Variants in NALCN observed in about 807,000 individuals in gnomAD.
NALCN encodes the protein sodium leak channel, non-selective, also known as sodium leak channel NALCN.
In NALCN, 111 loss-of-function variants were observed where a neutral mutation model predicts 225.3. That is an observed-to-expected ratio of 0.49 (90% CI 0.42 to 0.58). NALCN has a LOEUF of 0.58. Ranked by LOEUF, NALCN falls within the 20% of genes least tolerant of loss-of-function variation. NALCN has a pLI of 0.00. For synonymous variants in NALCN, 764 were observed against 769.0 expected (o/e 0.99, Z 0.11); for missense variants, 1,378 against 2,202.4 (o/e 0.63, Z 7.49).
chr13:101,056,246 CTTTTTTTTT>C (rs34583741), intron 43 of NALCN, among the ~76,000 whole-genome samples: 13 of 45,852 alleles, frequency 2.8e-4, no homozygotes, highest in Admixed American at 1.0e-3. Context: ...AGTGGAAGTA[CTTTTTTTTT>C]TTTTTTTTTT....
chr13:101,225,088 T>C (rs190166665), intron 13 of NALCN, among the ~76,000 whole-genome samples: 129 of 152,278 alleles, frequency 8.5e-4, no homozygotes, highest in Non-Finnish European at 1.6e-3. Flanking sequence ...ATATCAATGG[T>C]GCAACATCCG....
chr13:101,144,706 G>T, intron 16 of NALCN, 54 bp downstream of exon 16: 1 of 1,556,852 alleles, frequency 6.4e-7, no homozygotes, highest in Non-Finnish European at 8.7e-7. Flanking sequence ...GATTTAAGAT[G>T]ATGAATCTTT....
Position 101,102,462 on chromosome 13 carries a change from C to T in NALCN, c.3057+710G>A, listed in dbSNP as rs568286261. On this transcript the variant is annotated intron_variant, in intron 26 of 43. Transcript: ENST00000251127. Reference sequence around the variant, plus strand: ...TTAATTCATGCTTCTCATGCACAAGCAGACCTCATCAATAATAAAAAAAAC... The same window carrying T: ...TTAATTCATGCTTCTCATGCACAAGTAGACCTCATCAATAATAAAAAAAAC... Among the ~76,000 whole-genome samples the T allele has an allele frequency of 8.8e-4, 134 of 152,204 alleles. 1 individual carries two copies. Among genetic ancestry groups the T allele is most frequent in the African/African-American group, 3.2e-3 (131 of 41,530 alleles).
rs1362317260 is a variant in NALCN, at chr13:101,074,907, C to T, written c.3955-245G>A. ...AGGCGTTGGGCGAATTTTATTTTTACTTCAAACATTTCAGCCTCTTCACAC... is the reference window on the plus strand; with the variant it reads ...AGGCGTTGGGCGAATTTTATTTTTATTTCAAACATTTCAGCCTCTTCACAC... On this transcript the variant is annotated intron_variant, in intron 35 of 43. Transcript: ENST00000251127. 2.0e-5 allele frequency among the ~76,000 whole-genome samples: 3 copies of T among 152,164 alleles called. No homozygotes were observed. The East Asian group carries it at 5.8e-4, about 29-fold the overall frequency.
chr13:101,074,692 C>CAGAGAGAG lies in NALCN; in HGVS notation c.3955-38_3955-31dup, dbSNP rs34229756. ...GGACCAGGGGTGGGAAGCGGGGAGA[C>CAGAGAGAG]AGAGAGAGAGAGAGAGAGAGACAGA... On this transcript the variant is annotated intron_variant, in intron 35 of 43. Coordinates refer to ENST00000251127, the MANE Select transcript of NALCN (RefSeq NM_052867.4). 8 of 1,444,626 alleles carry CAGAGAGAG rather than the reference C, an allele frequency of 5.5e-6. No individual in the cohort carries two copies. In the African/African-American group the frequency reaches 1.0e-4, roughly 19 times the overall value. The allele number at this position is 1,444,626 out of a possible 1,614,324, so 89.5% of individuals were successfully genotyped here. A position where few individuals can be genotyped will look rare whatever the true frequency, so the allele number is the denominator to read the frequency against.
intron 34 of NALCN, among the ~76,000 whole-genome samples, chr13:101,079,024 C>T (rs952321532): frequency 6.6e-6 from 1 of 152,204 alleles, no homozygotes; most frequent in Non-Finnish European, 1.5e-5. Flanking sequence ...ATTCTTCTCT[C>T]TCCTGTTCCC....
chr13:101,123,673 A>C (rs1157654240), intron 18 of NALCN, among the ~76,000 whole-genome samples: 2 of 152,186 alleles, frequency 1.3e-5, no homozygotes, highest in Non-Finnish European at 2.9e-5. Context: ...TATTGAGAGA[A>C]ATACTGTCTT....
rs765279045 is a variant in NALCN, at chr13:101,083,149, A to T, written c.3633T>A (p.Phe1211Leu). 1 of 1,614,170 alleles carries T rather than the reference A, an allele frequency of 6.2e-7. No homozygotes were observed. Residue 1211 changes from phenylalanine (F) to leucine (L), a missense_variant, in exon 32 of 44, where the codon TTT (phenylalanine) becomes TTA (leucine). By Grantham distance (22) the Phe-to-Leu change is conservative (BLOSUM62 0). Transcript: ENST00000251127. ...CGAGTAATGCGATTGTCCTCTTAAA[A>T]AATGGATGCTGGGTTATGTCATACA... ...AKMYDITQHPFFKRTIALLVL... is the reference protein window; with the variant it reads ...AKMYDITQHPLFKRTIALLVL...
chr13:101,080,871 T>C (rs2033608704), intron 34 of NALCN, among the ~76,000 whole-genome samples: 1 of 151,976 alleles, frequency 6.6e-6, no homozygotes, highest in African/African-American at 2.4e-5. Context: ...GGCCACATTT[T>C]ATTTTCATTG....
At chr13:101,212,597 T>C (rs1279610798) in intron 13 of NALCN, among the ~76,000 whole-genome samples, 2 of 152,182 alleles carry the variant, frequency 1.3e-5, no homozygotes, top group Non-Finnish European at 2.9e-5. Context: ...ACATGATTTA[T>C]TTATCTTCAT....
rs371168879 is a variant in NALCN at position 101,354,514 on chromosome 13, T to C, written c.645-9094A>G. Among the ~76,000 whole-genome samples the C allele has an allele frequency of 4.1e-3, 625 of 152,222 alleles. 5 individuals carry two copies. The highest frequency in any genetic ancestry group is 0.014 in the African/African-American group (571 of 41,544). ...ACTTTTCTCCTTTTGCCTTAGGAAC[T>C]GGAAACTACAGGGTGAGAATCTATA... On this transcript the variant is annotated intron_variant, in intron 6 of 43. Transcript: ENST00000251127.
At chr13:101,180,627 T>A (rs866092886) in intron 14 of NALCN, 11 of 172,822 alleles carry the variant, frequency 6.4e-5, no homozygotes, top group African/African-American at 2.1e-4. Flanking sequence ...TTGTGGGATA[T>A]TCCGGGCCTC....
At chr13:101,275,204 TG>T (rs1191843934) in intron 10 of NALCN, among the ~76,000 whole-genome samples, 1 of 152,106 alleles carries the variant, frequency 6.6e-6, no homozygotes, top group East Asian at 1.9e-4. Flanking sequence ...GGCTTTTGAT[TG>T]GGAGGTCATT....
At chr13:101,056,859 T>TA (rs529671177) in intron 43 of NALCN, 92 of 152,326 alleles carry the variant, frequency 6.0e-4, no homozygotes, top group African/African-American at 2.1e-3. Context: ...GCCTACAGGA[T>TA]AAAATTGAAC....
At chr13:101,285,392 C>T (rs1017946335) in intron 9 of NALCN, among the ~76,000 whole-genome samples, 2 of 152,022 alleles carry the variant, frequency 1.3e-5, no homozygotes, top group Non-Finnish European at 2.9e-5. Context: ...CTCCACCTCC[C>T]GGGTTCAAGC....
intron 14 of NALCN, among the ~76,000 whole-genome samples, chr13:101,188,781 T>C (rs1165878878): frequency 5.6e-5 from 4 of 71,722 alleles, no homozygotes; most frequent in Non-Finnish European, 9.9e-5. Context: ...ACCTCCCAGA[T>C]TCAAGTGATT....
rs1321079304 is a variant in NALCN, at chr13:101,150,840, A to G, written c.1840-5944T>C. Among the ~76,000 whole-genome samples, 3 of 152,262 alleles carry G rather than the reference A, an allele frequency of 2.0e-5. No individual in the cohort carries two copies. The East Asian group carries it at 5.8e-4, about 29-fold the overall frequency. ...TAATTATAATTGTAAATGTCCATTT[A>G]AAAAGTGTTTTTAAGATCATGATTC... On this transcript the variant is annotated intron_variant, in intron 15 of 43. Coordinates refer to ENST00000251127, the MANE Select transcript of NALCN (RefSeq NM_052867.4).
At chr13:101,315,615 C>A (rs540325966) in intron 7 of NALCN, among the ~76,000 whole-genome samples, 2 of 152,036 alleles carry the variant, frequency 1.3e-5, no homozygotes, top group South Asian at 2.1e-4. Context: ...ATGTGTACAC[C>A]ACCCATTTAA....
At chr13:101,239,972 A>C (rs919454189) in intron 11 of NALCN, among the ~76,000 whole-genome samples, 1 of 152,064 alleles carries the variant, frequency 6.6e-6, no homozygotes, top group African/African-American at 2.4e-5. Flanking sequence ...TAAAGTAATT[A>C]AATGTTACTG....
Sources: gnomAD v4.1 joint callset for allele counts (sites outside exome capture counted in the v4.1 genomes callset) on GRCh38, gnomAD v4.1.1 for gene constraint, MANE v1.5 for transcripts, NCBI Gene and HGNC (gene_info 2026-07-23, HGNC 2026-07-21) for gene names.